Variants in ERN1 observed in about 807,000 individuals in gnomAD.
The protein encoded by ERN1 is serine/threonine-protein kinase/endoribonuclease IRE1.
A neutral mutation model predicts 113.1 loss-of-function variants in ERN1; 39 were observed. The ratio of observed to expected loss-of-function variants is 0.34; its 90% CI spans 0.27 to 0.45. The LOEUF (loss-of-function observed/expected upper bound fraction) is 0.45. Among genes scored for constraint, ERN1 ranks in the 20% least tolerant of loss-of-function variants. The pLI, the probability that ERN1 is intolerant of heterozygous loss-of-function variation, is 1.00. For synonymous variants in ERN1, 507 were observed against 515.9 expected (o/e 0.98, Z 0.23); for missense variants, 976 against 1,274.8 (o/e 0.77, Z 3.57).
rs1050753363 is a variant in ERN1 at position 64,040,099 on chromosome 17, T to C, written c.*3889A>G. The C allele has an allele frequency of 5.3e-5, 8 of 152,150 alleles. No individual in the cohort carries two copies. Among genetic ancestry groups the C allele is most frequent in the Non-Finnish European group, 7.4e-5 (5 of 68,014 alleles). 9.4% of individuals were successfully genotyped at this position (152,150 alleles called of 1,614,324 possible). On this transcript the variant is annotated 3_prime_UTR_variant, in exon 22 of 22. Coordinates refer to ENST00000433197, the MANE Select transcript of ERN1 (RefSeq NM_001433.5). Reference sequence around the variant, plus strand: ...GCCAGGAGAAGCCAAAGCCAGGACATAGTCAACCAAAATAACTCCAGGTTG... The same window carrying C: ...GCCAGGAGAAGCCAAAGCCAGGACACAGTCAACCAAAATAACTCCAGGTTG...
intron 3 of ERN1, 48 bp downstream of exon 3, chr17:64,080,727 G>C: frequency 6.4e-7 from 1 of 1,573,246 alleles, no homozygotes; most frequent in Admixed American, 1.8e-5. Flanking sequence ...CTGATTGAAT[G>C]AAGAAGACTG....
rs773459403 is a variant in ERN1 at position 64,054,739 on chromosome 17, G to A, written c.1762C>T (p.Arg588Trp). ...GHGAEGTIVY[R>W]GMFDNRDVAV... ...CAGGGGGCTGGCTAATCCACTCACC[G>A]GTACACAATTGTGCCCTCAGCTCCA... The change falls in exon 14 of 22, where the codon CGG becomes TGG. Residue 588 changes from arginine to tryptophan, a missense_variant and splice_region_variant. Physicochemically the swap from Arg to Trp is moderately radical, Grantham distance 101. Transcript: ENST00000433197. The surrounding 1 kb of genome is among the most constrained non-coding windows in gnomAD (Gnocchi z 4.9). 3.1e-6 allele frequency: 5 copies of A among 1,603,892 alleles called. No individual in the cohort carries two copies. The African/African-American group carries it at 4.0e-5, about 13-fold the overall frequency.
intron 1 of ERN1, among the ~76,000 whole-genome samples, chr17:64,103,348 T>C (rs887336463): frequency 5.9e-5 from 9 of 151,970 alleles, no homozygotes; most frequent in African/African-American, 2.2e-4. Context: ...AACACAAAAA[T>C]TAGCTGGATG....
At chr17:64,123,313 G>C (rs1411756925) in intron 1 of ERN1, among the ~76,000 whole-genome samples, 1 of 152,184 alleles carries the variant, frequency 6.6e-6, no homozygotes, top group Non-Finnish European at 1.5e-5. Flanking sequence ...CTCCTAGAAA[G>C]TTGATCTGAA....
At position 64,066,733 on chromosome 17, in the gene ERN1, C is replaced by T; in HGVS notation, c.780G>A (p.Val260=). 6.2e-7 allele frequency: 1 copy of T among 1,613,930 alleles called. No individual in the cohort carries two copies. The highest frequency in any genetic ancestry group is 1.1e-5 in the South Asian group (1 of 91,064). ...GGTACTTCCACTTTGTGATGCGCCCCACCTCCCCAGACATGAAGGTCAGAT... is the reference window on the plus strand; with the variant it reads ...GGTACTTCCACTTTGTGATGCGCCCTACCTCCCCAGACATGAAGGTCAGAT... ...LRYLTFMSGE[V]GRITKWKYPF... Residue 260 remains valine, a synonymous_variant, in exon 8 of 22, where the codon GTG becomes GTA. Transcript: ENST00000433197.
intron 1 of ERN1, among the ~76,000 whole-genome samples, chr17:64,107,941 T>A (rs192365453): frequency 2.0e-5 from 3 of 152,330 alleles, no homozygotes; most frequent in South Asian, 2.1e-4. Flanking sequence ...TTCTAACCAG[T>A]CTATCGGCTG....
chr17:64,084,795 A>C (rs1339756559), intron 2 of ERN1, among the ~76,000 whole-genome samples: 1 of 152,070 alleles, frequency 6.6e-6, no homozygotes, highest in Non-Finnish European at 1.5e-5. Flanking sequence ...ACTATTTCCC[A>C]CACACTCCAT....
intron 2 of ERN1, among the ~76,000 whole-genome samples, chr17:64,085,047 T>G (rs1913881878): frequency 6.6e-6 from 1 of 152,214 alleles, no homozygotes; most frequent in Non-Finnish European, 1.5e-5. Context: ...AATGCCCAAC[T>G]CTGGCCACGG....
intron 8 of ERN1, among the ~76,000 whole-genome samples, chr17:64,065,663 A>C (rs892978117): frequency 2.2e-4 from 32 of 148,122 alleles, no homozygotes; most frequent in African/African-American, 8.1e-4. Context: ...CTTTCACTCC[A>C]GCGATCACTC....
intron 7 of ERN1, among the ~76,000 whole-genome samples, chr17:64,067,552 G>A (rs192389479): frequency 0.059 from 8,941 of 151,322 alleles, 359 homozygotes; most frequent in Non-Finnish European, 0.075. Context: ...AGGCTGCAGT[G>A]AGCCCTGACT....
chr17:64,047,625 T>A (rs1912552133), intron 19 of ERN1, among the ~76,000 whole-genome samples: 1 of 152,104 alleles, frequency 6.6e-6, no homozygotes, highest in African/African-American at 2.4e-5. Flanking sequence ...AACTTTAACA[T>A]GAAAGAAACT....
intron 12 of ERN1, 90 bp downstream of exon 12, chr17:64,057,712 T>C: frequency 8.2e-7 from 1 of 1,220,188 alleles, no homozygotes; most frequent in Non-Finnish European, 1.2e-6. Flanking sequence ...AATGTGCTGG[T>C]TGTTTTTGTC....
chr17:64,073,222 G>T (rs1486839663), intron 5 of ERN1, among the ~76,000 whole-genome samples: 2 of 151,764 alleles, frequency 1.3e-5, no homozygotes, highest in African/African-American at 4.8e-5. Context: ...AGGCTGGAGT[G>T]CAGTGGAGTG....
In ERN1 at chr17:64,055,836, G is replaced by A. The variant is rs1343090382; in HGVS notation, c.1511C>T (p.Thr504Met). The A allele has an allele frequency of 1.6e-5, 25 of 1,555,714 alleles. No homozygotes were observed. Among genetic ancestry groups the A allele is most frequent in the South Asian group, 3.5e-5 (3 of 84,660 alleles). ...GTCCAGGAGCTCGCCGTCCTGAGCCGTGTCTCCAGGTGGGTGGAAGGGCAG... is the reference window on the plus strand; with the variant it reads ...GTCCAGGAGCTCGCCGTCCTGAGCCATGTCTCCAGGTGGGTGGAAGGGCAG... ...QQLPFHPPGD[T>M]AQDGELLDTS... Residue 504 changes from threonine to methionine, a missense_variant, in exon 13 of 22, where the codon ACG becomes ATG. By Grantham distance (81) the Thr-to-Met change is moderately conservative (BLOSUM62 -1). Transcript: ENST00000433197.
Position 64,045,496 on chromosome 17 carries a change from A to G in ERN1, c.2530-14T>C. 6.2e-7 allele frequency: 1 copy of G among 1,613,834 alleles called. No individual in the cohort carries two copies. On this transcript the variant is annotated splice_polypyrimidine_tract_variant and intron_variant, in intron 19 of 21. Coordinates refer to ENST00000433197, the MANE Select transcript of ERN1 (RefSeq NM_001433.5). ...GTCGCTCACGTCCTGTGAGAGAAAC[A>G]AGGGCAGCAGATGATGGTCAGTGCT...
rs1912279026 is a variant in ERN1 at position 64,039,689 on chromosome 17, G to A, written c.*4299C>T. 1 of 152,132 alleles carries A rather than the reference G, an allele frequency of 6.6e-6. No individual in the cohort carries two copies. The highest frequency in any genetic ancestry group is 1.5e-5 in the Non-Finnish European group (1 of 68,026). The allele number at this position is 152,132 out of a possible 1,614,324, so 9.4% of individuals were successfully genotyped here. The stretch of plus-strand genomic sequence containing the variant: ...CATTGCAAAAAGAACACTACACAAG[G>A]TTTACATCTGAGAATGCAGAGTAGG... On this transcript the variant is annotated 3_prime_UTR_variant, in exon 22 of 22. Coordinates refer to ENST00000433197, the MANE Select transcript of ERN1 (RefSeq NM_001433.5).
intron 1 of ERN1, among the ~76,000 whole-genome samples, chr17:64,118,819 C>A (rs1425713651): frequency 6.6e-6 from 1 of 152,156 alleles, no homozygotes; most frequent in Non-Finnish European, 1.5e-5. Context: ...CTGACTCAGG[C>A]AATGAGGCTA....
intron 1 of ERN1, among the ~76,000 whole-genome samples, chr17:64,127,004 G>C (rs935839029): frequency 2.6e-5 from 4 of 152,000 alleles, no homozygotes; most frequent in African/African-American, 7.3e-5. Flanking sequence ...CATAAAATGA[G>C]GACTGCTGAC....
intron 1 of ERN1, among the ~76,000 whole-genome samples, chr17:64,126,604 A>G (rs180878735): frequency 4.1e-4 from 62 of 152,314 alleles, no homozygotes; most frequent in African/African-American, 1.3e-3. Flanking sequence ...AAGGCTGAAT[A>G]GGCAGGCAAG....
Sources: gnomAD v4.1 joint callset for allele counts (sites outside exome capture counted in the v4.1 genomes callset) on GRCh38, gnomAD v4.1.1 for gene constraint, Gnocchi (gnomAD v3.1) non-coding constraint, MANE v1.5 for transcripts, NCBI Gene and HGNC (gene_info 2026-07-23, HGNC 2026-07-21) for gene names.